The following A2ML1 variants were observed in gnomAD, a reference collection of about 807,000 sequenced individuals.
A2ML1 encodes alpha-2-macroglobulin like 1, also known as alpha-2-macroglobulin-like protein 1.
In A2ML1, 161 loss-of-function variants were observed where a neutral mutation model predicts 181.9. The observed-to-expected ratio is 0.89, with a 90% CI of 0.78 to 1.01. The LOEUF is 1.01. Among genes scored for constraint, A2ML1 ranks in the 50% least tolerant of loss-of-function variants. The probability of loss-of-function intolerance (pLI) is 0.00; values close to 1 mark genes in which losing one functional copy is unlikely to be tolerated. For missense variants in A2ML1, 1,670 were observed against 1,768.1 expected (o/e 0.94, Z 1.00); for synonymous variants, 663 against 666.8 (o/e 0.99, Z 0.09).
chr12:8,869,979 A>T (rs1944563918), intron 33 of A2ML1, among the ~76,000 whole-genome samples: 1 of 152,238 alleles, frequency 6.6e-6, no homozygotes, highest in Non-Finnish European at 1.5e-5. Flanking sequence ...AATATTAATC[A>T]GACATTGTAT....
intron 17 of A2ML1, 109 bp from the exon 18 acceptor site, chr12:8,850,051 T>G: frequency 2.4e-6 from 2 of 845,458 alleles, no homozygotes. Context: ...TCTGACTGGA[T>G]GTTCTCTGCT....
rs1261125468 is a variant in A2ML1, at chr12:8,864,311, G to A, written c.3717+303G>A. 4.5e-4 allele frequency among the ~76,000 whole-genome samples: 7 copies of A among 15,668 alleles called. 2 individuals are homozygous for A. The highest frequency in any genetic ancestry group is 5.0e-4 in the African/African-American group (7 of 14,046). 10.3% of individuals were successfully genotyped at this position (15,668 alleles called of 152,430 possible). ...GCGGATCACCTGAGGTCAGGAGTTC[G>A]AGACCAGTCTGGCCAACATGATGAA... On this transcript the variant is annotated intron_variant, in intron 29 of 35. Coordinates refer to ENST00000299698, the MANE Select transcript of A2ML1 (RefSeq NM_144670.6).
At chr12:8,827,697 A>C (rs926298984) in intron 3 of A2ML1, among the ~76,000 whole-genome samples, 7 of 152,074 alleles carry the variant, frequency 4.6e-5, no homozygotes, top group African/African-American at 1.7e-4. Flanking sequence ...TTAGGTATTT[A>C]TTGTAGTCTT....
At chr12:8,823,660 C>A in intron 2 of A2ML1, 60 bp from the exon 3 acceptor site, 1 of 1,560,700 alleles carries the variant, frequency 6.4e-7, no homozygotes, top group Non-Finnish European at 8.7e-7. Flanking sequence ...TGGGTTGAGA[C>A]CAGTTGATTC....
intron 26 of A2ML1, among the ~76,000 whole-genome samples, chr12:8,860,462 G>A (rs574409058): frequency 6.6e-6 from 1 of 152,158 alleles, no homozygotes; most frequent in Non-Finnish European, 1.5e-5. Context: ...AAGCAGGGAA[G>A]GTCTCACCTA....
rs1488736566 is a variant in A2ML1, at chr12:8,852,472, G to A, written c.2590+136G>A. 1 of 1,304,142 alleles carries A rather than the reference G, an allele frequency of 7.7e-7. No individual in the cohort carries two copies. The highest frequency in any genetic ancestry group is 1.5e-5 in the African/African-American group (1 of 67,742). 80.8% of individuals were successfully genotyped at this position (1,304,142 alleles called of 1,614,324 possible). A position where few individuals can be genotyped will look rare whatever the true frequency, so the allele number is the denominator to read the frequency against. ...CACTATTTTTCTCCCTCCTAAGGCT[G>A]TTATAAGTCAATACACAAACACTCT... is the stretch of plus-strand genomic sequence containing the variant. On this transcript the variant is annotated intron_variant, in intron 20 of 35. Transcript: ENST00000299698. The surrounding 1 kb of genome is among the most constrained non-coding windows in gnomAD (Gnocchi z 4.2).
intron 4 of A2ML1, 80 bp from the exon 5 acceptor site, chr12:8,834,582 T>A (rs1943212782): frequency 2.6e-6 from 4 of 1,532,514 alleles, no homozygotes; most frequent in Non-Finnish European, 3.6e-6. Flanking sequence ...AAGAATTCTT[T>A]GTGAACTTTT....
At position 8,842,425 on chromosome 12, in the gene A2ML1, T is replaced by C. The variant is rs752383107; in HGVS notation, c.1249-709T>C. On this transcript the variant is annotated intron_variant, in intron 11 of 35. Transcript: ENST00000299698. The stretch of plus-strand genomic sequence containing the variant: ...TAGTAGAGATGGGGTTTCACTGTGT[T>C]AGCCAGGATGGTCTCGATCTCCTGA... 2.3e-3 allele frequency among the ~76,000 whole-genome samples: 349 copies of C among 152,196 alleles called. 1 individual carries two copies. Among genetic ancestry groups the C allele is most frequent in the African/African-American group, 7.8e-3 (326 of 41,542 alleles).
rs1390531829 is a variant in A2ML1 at position 8,868,128 on chromosome 12, T to G, written c.3933+71T>G. On this transcript the variant is annotated intron_variant, in intron 30 of 35. Transcript: ENST00000299698. The stretch of plus-strand genomic sequence containing the variant: ...CGGAGAGCATCTTCCCCTTAGGCCT[T>G]CTCTCTCTCTTTCTTTCTCACTTGT... The G allele has an allele frequency of 1.9e-6, 3 of 1,601,608 alleles. No homozygotes were observed. The South Asian group carries it at 3.3e-5, about 18-fold the overall frequency.
intron 14 of A2ML1, among the ~76,000 whole-genome samples, chr12:8,847,162 T>C (rs1273059349): frequency 7.5e-6 from 1 of 134,206 alleles, no homozygotes; most frequent in Non-Finnish European, 1.5e-5. Context: ...TTAGCCAGGC[T>C]GGTCTTGAAC....
intron 5 of A2ML1, among the ~76,000 whole-genome samples, chr12:8,835,169 C>T (rs1363195123): frequency 6.6e-6 from 1 of 152,200 alleles, no homozygotes; most frequent in Non-Finnish European, 1.5e-5. Context: ...GCCTTGTCCC[C>T]TAATAGTGAC....
chr12:8,836,795 T>C (rs1027237178), intron 7 of A2ML1, among the ~76,000 whole-genome samples: 1 of 152,066 alleles, frequency 6.6e-6, no homozygotes, highest in Non-Finnish European at 1.5e-5. Context: ...GAACATATTT[T>C]ATAGTTGTGT....
At chr12:8,846,769 C>T (rs376504504) in intron 14 of A2ML1, among the ~76,000 whole-genome samples, 3 of 149,192 alleles carry the variant, frequency 2.0e-5, no homozygotes, top group African/African-American at 7.4e-5. Flanking sequence ...AAAGAACACA[C>T]CATTACACTC....
downstream of A2ML1, among the ~76,000 whole-genome samples, chr12:8,876,959 A>G (rs1944814918): frequency 6.6e-6 from 1 of 152,162 alleles, no homozygotes; most frequent in Admixed American, 6.6e-5. Flanking sequence ...AATTTTAATT[A>G]TGGGGCTCTG....
Position 8,837,502 on chromosome 12 carries a change from C to T in A2ML1, c.791C>T (p.Thr264Ile), listed in dbSNP as rs954197919. ...VQVSVCQKAN[T>I]YWYREVEREQ... Reference sequence around the variant, plus strand: ...GTATCTGTGTGTCAGAAGGCAAATACTTACTGGTATCGAGAGGTGGAACGG... The same window carrying T: ...GTATCTGTGTGTCAGAAGGCAAATATTTACTGGTATCGAGAGGTGGAACGG... Residue 264 changes from threonine (T) to isoleucine (I), a missense_variant, in exon 8 of 36, where the codon ACT becomes ATT. By Grantham distance (89) the Thr-to-Ile change is moderately conservative. Coordinates refer to ENST00000299698, the MANE Select transcript of A2ML1 (RefSeq NM_144670.6). 3 of 1,613,996 alleles carry T rather than the reference C, an allele frequency of 1.9e-6. No individual in the cohort carries two copies. Among genetic ancestry groups the T allele is most frequent in the Admixed American group, 1.7e-5 (1 of 60,000 alleles).
chr12:8,836,620 A>T (rs751005049), intron 7 of A2ML1, among the ~76,000 whole-genome samples: 4 of 150,882 alleles, frequency 2.7e-5, no homozygotes, highest in Non-Finnish European at 4.4e-5. Context: ...AGTAGCTGGG[A>T]TCACAGGCGC....
rs755807256 is a variant in A2ML1, at chr12:8,851,957, G to A, written c.2408G>A (p.Gly803Glu). 1 of 1,614,120 alleles carries A rather than the reference G, an allele frequency of 6.2e-7. No individual in the cohort carries two copies. Among genetic ancestry groups the A allele is most frequent in the South Asian group, 1.1e-5 (1 of 91,074 alleles). ...ACTCTCCCTTACTCAGTAGTCCGTGGGGAATCCTTTCGTCTTACTGCCACC... is the reference window on the plus strand; with the variant it reads ...ACTCTCCCTTACTCAGTAGTCCGTGAGGAATCCTTTCGTCTTACTGCCACC... The part of the protein sequence containing the change: ...DLTLPYSVVR[G>E]ESFRLTATIF... The change falls in exon 19 of 36, where the codon GGG becomes GAG. Residue 803 changes from glycine (G) to glutamate (E), a missense_variant. Gly to Glu is a moderately conservative substitution (Grantham distance 98). Transcript: ENST00000299698.
chr12:8,835,415 T>G, intron 5 of A2ML1, 92 bp from the exon 6 acceptor site: 1 of 1,546,554 alleles, frequency 6.5e-7, no homozygotes, highest in East Asian at 2.3e-5. Flanking sequence ...GGGTGGGGTT[T>G]TTTACCTGCC....
At chr12:8,872,053 C>A (rs1320455725) in intron 33 of A2ML1, among the ~76,000 whole-genome samples, 5 of 152,048 alleles carry the variant, frequency 3.3e-5, no homozygotes, top group Non-Finnish European at 7.4e-5. Context: ...GTGGCAGGAG[C>A]CTGTAGTCCC....
Sources: allele counts gnomAD v4.1 joint callset (sites outside exome capture counted in the v4.1 genomes callset), GRCh38; gene constraint gnomAD v4.1.1; non-coding constraint Gnocchi (gnomAD v3.1); transcripts MANE v1.5; gene names NCBI Gene and HGNC (gene_info 2026-07-23, HGNC 2026-07-21).